Variants in CEP170 observed in about 807,000 individuals in gnomAD.
CEP170 encodes centrosomal protein 170.
A neutral mutation model predicts 151.9 loss-of-function variants in CEP170; 21 were observed. The ratio of observed to expected loss-of-function variants is 0.14; its 90% CI spans 0.10 to 0.20. The LOEUF is 0.20. CEP170 is among the 10% of genes least tolerant of loss of function. The probability of loss-of-function intolerance (pLI) is 1.00; values close to 1 mark genes in which losing one functional copy is unlikely to be tolerated. For missense variants in CEP170, 964 were observed against 1,892.9 expected (o/e 0.51, Z 9.11); for synonymous variants, 356 against 648.8 (o/e 0.55, Z 6.86).
At chr1:243,236,783 G>C (rs2064293134) in intron 1 of CEP170, among the ~76,000 whole-genome samples, 1 of 152,186 alleles carries the variant, frequency 6.6e-6, no homozygotes, top group Non-Finnish European at 1.5e-5. Flanking sequence ...CTGTCTACAG[G>C]AGGGAGTGAC....
chr1:243,183,820 A>G (rs1295738659), intron 10 of CEP170, among the ~76,000 whole-genome samples: 2 of 152,186 alleles, frequency 1.3e-5, no homozygotes, highest in African/African-American at 4.8e-5. Flanking sequence ...CCACAGTGTG[A>G]CCATATAATT....
At chr1:243,194,272 A>G (rs1456868551) in intron 7 of CEP170, among the ~76,000 whole-genome samples, 1 of 152,024 alleles carries the variant, frequency 6.6e-6, no homozygotes, top group Non-Finnish European at 1.5e-5. Flanking sequence ...AGTCTTATAT[A>G]CTACAGTCTC....
At chr1:243,188,947 T>C (rs144586435) in intron 8 of CEP170, among the ~76,000 whole-genome samples, 2,528 of 152,326 alleles carry the variant, frequency 0.017, 24 homozygotes, top group Middle Eastern at 0.041. Context: ...TCCAGAAAAG[T>C]AAAATGAGTC....
rs576070175 is a variant in CEP170 at position 243,245,945 on chromosome 1, C to CA, written c.-42+9094dup. ...TGGGTAACAGAGCGGGACCTCGTCTCAAAAAAAAAAAGAAAAAAGAAAGCA... is the reference window on the plus strand; with the variant it reads ...TGGGTAACAGAGCGGGACCTCGTCTCAAAAAAAAAAAAGAAAAAAGAAAGCA... On this transcript the variant is annotated intron_variant, in intron 1 of 19. Transcript: ENST00000366542. 9.7e-3 allele frequency among the ~76,000 whole-genome samples: 1,219 copies of CA among 126,164 alleles called. 17 individuals are homozygous for CA. The highest frequency in any genetic ancestry group is 0.023 in the African/African-American group (778 of 33,986). The allele number at this position is 126,164 out of a possible 152,430, so 82.8% of individuals were successfully genotyped here. A position where few individuals can be genotyped will look rare whatever the true frequency, so the allele number is the denominator to read the frequency against.
chr1:243,243,778 A>G (rs1320896358), intron 1 of CEP170, among the ~76,000 whole-genome samples: 1 of 152,028 alleles, frequency 6.6e-6, no homozygotes, highest in Non-Finnish European at 1.5e-5. Flanking sequence ...CGCCTACCTC[A>G]GCCTCCCAAA....
At chr1:243,249,791 A>T (rs1172340035) in intron 1 of CEP170, among the ~76,000 whole-genome samples, 3 of 152,234 alleles carry the variant, frequency 2.0e-5, no homozygotes, top group Admixed American at 6.5e-5. Context: ...TTAATTTAAA[A>T]AACAAAACAA....
chr1:243,243,153 G>C (rs2065025063), intron 1 of CEP170, among the ~76,000 whole-genome samples: 1 of 152,312 alleles, frequency 6.6e-6, no homozygotes, highest in South Asian at 2.1e-4. Flanking sequence ...GAGCCCAGGA[G>C]TTTGGGGCTG....
rs773221196 is a variant in CEP170 at position 243,137,779 on chromosome 1, T to TAAAAA, written c.4231-1553_4231-1549dup. The stretch of plus-strand genomic sequence containing the variant: ...ACAAAGCGAGACTCCCTCTCAAAAT[T>TAAAAA]AAAAAAAAAAAAAAAAAAGAATTCT... On this transcript the variant is annotated intron_variant, in intron 16 of 19. Transcript: ENST00000366542. Among the ~76,000 whole-genome samples, 7 of 96,970 alleles carry TAAAAA rather than the reference T, an allele frequency of 7.2e-5. No homozygotes were observed. In the East Asian group the frequency reaches 1.4e-3, roughly 19 times the overall value. 63.6% of individuals were successfully genotyped at this position (96,970 alleles called of 152,430 possible).
intron 15 of CEP170, chr1:243,140,690 T>TA (rs2055733463): frequency 6.6e-6 from 1 of 152,284 alleles, no homozygotes; most frequent in Non-Finnish European, 1.5e-5. Flanking sequence ...TACTGCCATC[T>TA]ATAGTGCAAA....
At chr1:243,234,361 T>A (rs1387132210) in intron 1 of CEP170, among the ~76,000 whole-genome samples, 2 of 152,226 alleles carry the variant, frequency 1.3e-5, no homozygotes, top group Non-Finnish European at 2.9e-5. Flanking sequence ...ATATTCTCCA[T>A]GGGGTTGGCC....
At chr1:243,162,543 G>C (rs1171653893) in intron 13 of CEP170, among the ~76,000 whole-genome samples, 3 of 152,154 alleles carry the variant, frequency 2.0e-5, no homozygotes, top group African/African-American at 7.2e-5. Flanking sequence ...TATTTATCAA[G>C]TTCTGTATTC....
In CEP170 at chr1:243,146,326, G is replaced by A. The variant is rs146905737; in HGVS notation, c.3912-3863C>T. Among the ~76,000 whole-genome samples the A allele has an allele frequency of 2.2e-3, 330 of 152,260 alleles. 2 individuals are homozygous for A. The highest frequency in any genetic ancestry group is 7.7e-3 in the African/African-American group (321 of 41,550). ...TAATCTGAACAGAGGTCACGGGAAT[G>A]AGATTCGCGAAGAACGCAGAAGAGA... On this transcript the variant is annotated intron_variant, in intron 14 of 19. Transcript: ENST00000366542.
At chr1:243,146,817 T>C (rs2056550628) in intron 14 of CEP170, among the ~76,000 whole-genome samples, 1 of 152,184 alleles carries the variant, frequency 6.6e-6, no homozygotes, top group African/African-American at 2.4e-5. Flanking sequence ...AGTACACGAA[T>C]GCAGGCACCA....
At chr1:243,245,535 G>A (rs1194111749) in intron 1 of CEP170, among the ~76,000 whole-genome samples, 4 of 152,120 alleles carry the variant, frequency 2.6e-5, no homozygotes, top group Non-Finnish European at 5.9e-5. Context: ...CCAACATGGT[G>A]AAACCCCGTC....
intron 3 of CEP170, among the ~76,000 whole-genome samples, chr1:243,216,538 G>A (rs2148948027): frequency 6.6e-6 from 1 of 152,216 alleles, no homozygotes; most frequent in Non-Finnish European, 1.5e-5. Flanking sequence ...GCCCTTCCAT[G>A]ATGAGGTAGT....
chr1:243,233,732 C>A (rs1184099765), intron 1 of CEP170, among the ~76,000 whole-genome samples: 113 of 97,778 alleles, frequency 1.2e-3, no homozygotes, highest in Admixed American at 2.1e-3. Flanking sequence ...GACTCCATCT[C>A]AAAAAAAAAA....
chr1:243,149,609 T>C (rs1248055583), intron 14 of CEP170, among the ~76,000 whole-genome samples: 1 of 152,238 alleles, frequency 6.6e-6, no homozygotes, highest in African/African-American at 2.4e-5. Flanking sequence ...ATATGCCTTA[T>C]TGCTTGATTA....
rs150331482 is a variant in CEP170, at chr1:243,216,221, C to T, written c.196-4257G>A. Among the ~76,000 whole-genome samples, 1,014 of 152,072 alleles carry T rather than the reference C, an allele frequency of 6.7e-3. 13 individuals are homozygous for T. The highest frequency in any genetic ancestry group is 0.023 in the African/African-American group (972 of 41,456). On this transcript the variant is annotated intron_variant, in intron 3 of 19. Coordinates refer to ENST00000366542, the MANE Select transcript of CEP170 (RefSeq NM_014812.3). ...TTTTTTAAATTTTATTATTATTATA[C>T]TTTAAGTTTTAGGGTACATGTGCAC... is the stretch of plus-strand genomic sequence containing the variant.
intron 8 of CEP170, among the ~76,000 whole-genome samples, chr1:243,187,314 T>C (rs2059998158): frequency 6.6e-6 from 1 of 152,244 alleles, no homozygotes; most frequent in South Asian, 2.1e-4. Context: ...AGGTTTTGGA[T>C]GTGATGACAC....
Sources: allele counts gnomAD v4.1 joint callset (sites outside exome capture counted in the v4.1 genomes callset), GRCh38; gene constraint gnomAD v4.1.1; transcripts MANE v1.5; gene names NCBI Gene and HGNC (gene_info 2026-07-23, HGNC 2026-07-21).